PLAGL1: variants seen among roughly 807,000 people sequenced by gnomAD.
PLAGL1 encodes the protein zinc finger protein PLAGL1.
A neutral mutation model predicts 4.6 loss-of-function variants in PLAGL1; 1 was observed. The ratio of observed to expected loss-of-function variants is 0.22; its 90% CI spans 0.08 to 1.03. PLAGL1 has a LOEUF of 1.03. PLAGL1 is among the 50% of genes least tolerant of loss of function. The pLI is 0.58. For missense variants in PLAGL1, 464 were observed against 570.4 expected (o/e 0.81, Z 1.90); for synonymous variants, 240 against 237.8 (o/e 1.01, Z -0.08).
upstream of PLAGL1, among the ~76,000 whole-genome samples, chr6:144,008,568 G>A (rs922715024): frequency 3.3e-5 from 5 of 152,156 alleles, no homozygotes; most frequent in Non-Finnish European, 7.4e-5. This position sits in a 1 kb window ranked among gnomAD's most constrained non-coding sequence, Gnocchi z 6.9. Context: ...TGGGGGCAAA[G>A]CCAAGGTCGC....
At position 143,997,381 on chromosome 6, in the gene PLAGL1, A is replaced by C. The variant is rs1325854824; in HGVS notation, c.-584+10709T>G. On this transcript the variant is annotated intron_variant, in intron 1 of 7. Coordinates refer to ENST00000674357, the MANE Select transcript of PLAGL1 (RefSeq NM_001317162.2). This position sits in a 1 kb window ranked among gnomAD's most constrained non-coding sequence, Gnocchi z 4.6. ...TAAGAACCCAAACTAGAACACACCCACATAGCTATTTACAAAATGGATAAA... is the reference window on the plus strand; with the variant it reads ...TAAGAACCCAAACTAGAACACACCCCCATAGCTATTTACAAAATGGATAAA... 6.6e-6 allele frequency among the ~76,000 whole-genome samples: 1 copy of C among 152,202 alleles called. No homozygotes were observed. The highest frequency in any genetic ancestry group is 1.5e-5 in the Non-Finnish European group (1 of 68,030).
At chr6:144,054,790 T>A (rs1388624543) in intron 1 of PLAGL1, among the ~76,000 whole-genome samples, 87 of 150,108 alleles carry the variant, frequency 5.8e-4, no homozygotes, top group Middle Eastern at 3.4e-3. Context: ...TGTGTGTGTG[T>A]GTGTGTGTGT....
rs923791028 is a variant in PLAGL1, at chr6:144,053,683, G to A, written c.-151+10785C>T. On this transcript the variant is annotated intron_variant, in intron 1 of 3. Transcript: ENST00000437412. This position sits in a 1 kb window ranked among gnomAD's most constrained non-coding sequence, Gnocchi z 4.0. ...CTTACCACCTAAAAGTTTAGGCTTCGGGGATGGCAAATACATGGAAAATGA... is the reference window on the plus strand; with the variant it reads ...CTTACCACCTAAAAGTTTAGGCTTCAGGGATGGCAAATACATGGAAAATGA... Among the ~76,000 whole-genome samples the A allele has an allele frequency of 1.3e-5, 2 of 152,128 alleles. No individual in the cohort carries two copies. Among genetic ancestry groups the A allele is most frequent in the African/African-American group, 2.4e-5 (1 of 41,414 alleles).
In PLAGL1 at chr6:143,942,067, T is replaced by C; in HGVS notation, c.749A>G (p.Asn250Ser). The C allele has an allele frequency of 6.2e-7, 1 of 1,613,078 alleles. No homozygotes were observed. The highest frequency in any genetic ancestry group is 8.5e-7 in the Non-Finnish European group (1 of 1,179,516). ...AGCTGGCAAGCTACTTGCAAGCCCG[T>C]TCTGGGCAGAAGCTCCTAAAGGGAA... ...PPFPLGASAQNGLASSLPAEV... is the reference protein window; with the variant it reads ...PPFPLGASAQSGLASSLPAEV... Residue 250 changes from asparagine (N) to serine (S), a missense_variant, in exon 8 of 8, where the codon AAC becomes AGC. Asn to Ser is a conservative substitution (Grantham distance 46, BLOSUM62 1). Around this residue, in one of 4 missense-constraint regions of PLAGL1, gnomAD observed 248 missense variants for 250.1 expected, o/e 0.99. Coordinates refer to ENST00000674357, the MANE Select transcript of PLAGL1 (RefSeq NM_001317162.2). This position sits in a 1 kb window ranked among gnomAD's most constrained non-coding sequence, Gnocchi z 7.6.
Position 143,959,167 on chromosome 6 carries a change from C to T in PLAGL1, c.-325+1302G>A, listed in dbSNP as rs1782815335. Among the ~76,000 whole-genome samples the T allele has an allele frequency of 6.6e-6, 1 of 152,204 alleles. No individual in the cohort carries two copies. Among genetic ancestry groups the T allele is most frequent in the South Asian group, 2.1e-4 (1 of 4,832 alleles). ...CCGCTGCCTGCTCGCAGCTCCTCCC[C>T]AGCAGCTGAGAGCAATGTCTCAAGT... On this transcript the variant is annotated intron_variant, in intron 6 of 7. Transcript: ENST00000674357. This position sits in a 1 kb window ranked among gnomAD's most constrained non-coding sequence, Gnocchi z 5.3.
chr6:143,995,229 C>T lies in PLAGL1; in HGVS notation c.-583-10055G>A, dbSNP rs564840854. ...AAAATATTCACAATAAAGCAAGGTC[C>T]CTTTCAATTTATCCTTAAAGTTAAT... On this transcript the variant is annotated intron_variant, in intron 1 of 7. Coordinates refer to ENST00000674357, the MANE Select transcript of PLAGL1 (RefSeq NM_001317162.2). This position sits in a 1 kb window ranked among gnomAD's most constrained non-coding sequence, Gnocchi z 4.4. Among the ~76,000 whole-genome samples, 8 of 152,242 alleles carry T rather than the reference C, an allele frequency of 5.3e-5. No homozygotes were observed. The highest frequency in any genetic ancestry group is 4.1e-4 in the South Asian group (2 of 4,826).
At chr6:143,977,146 G>T (rs1168062516) in intron 2 of PLAGL1, among the ~76,000 whole-genome samples, 1 of 137,548 alleles carries the variant, frequency 7.3e-6, no homozygotes, top group East Asian at 2.2e-4. Flanking sequence ...TGGTACATTT[G>T]TTACAACTGA....
chr6:143,943,839 G>A (rs1779174866), intron 7 of PLAGL1, among the ~76,000 whole-genome samples: 1 of 152,172 alleles, frequency 6.6e-6, no homozygotes, highest in South Asian at 2.1e-4. Flanking sequence ...GTTATGGAAA[G>A]CCATCACAAT....
chr6:143,997,080 T>C lies in PLAGL1; in HGVS notation c.-584+11010A>G, dbSNP rs1791782898. Among the ~76,000 whole-genome samples, 1 of 152,042 alleles carries C rather than the reference T, an allele frequency of 6.6e-6. No individual in the cohort carries two copies. The highest frequency in any genetic ancestry group is 2.1e-4 in the South Asian group (1 of 4,830). On this transcript the variant is annotated intron_variant, in intron 1 of 7. Coordinates refer to ENST00000674357, the MANE Select transcript of PLAGL1 (RefSeq NM_001317162.2). The surrounding 1 kb of genome is among the most constrained non-coding windows in gnomAD (Gnocchi z 4.6). ...AAAAGTCATGAAATCATCAAGGAAA[T>C]GCACATGAAAACCATGAGACCATGA...
In PLAGL1 at chr6:143,975,618, G is replaced by C. The variant is rs1786348430; in HGVS notation, c.-543-6640C>G. Among the ~76,000 whole-genome samples, 1 of 152,146 alleles carries C rather than the reference G, an allele frequency of 6.6e-6. No individual in the cohort carries two copies. Among genetic ancestry groups the C allele is most frequent in the Admixed American group, 6.5e-5 (1 of 15,280 alleles). On this transcript the variant is annotated intron_variant, in intron 2 of 7. Transcript: ENST00000674357. The surrounding 1 kb of genome is among the most constrained non-coding windows in gnomAD (Gnocchi z 5.8). ...AAATTTAACATTCAGTCTCTAGATT[G>C]CATGATTCCTTGCATTAAAAGTTTA... is the stretch of plus-strand genomic sequence containing the variant.
At position 144,056,052 on chromosome 6, in the gene PLAGL1, C is replaced by T. The variant is rs143961274; in HGVS notation, c.-151+8416G>A. Among the ~76,000 whole-genome samples the T allele has an allele frequency of 6.8e-4, 103 of 152,200 alleles. No homozygotes were observed. Among genetic ancestry groups the T allele is most frequent in the Admixed American group, 1.8e-3 (27 of 15,278 alleles). ...AAGTTCAACATGGTAAAAGATGACTCACTTTTCTTTCCCCTCATCCCTTTC... is the reference window on the plus strand; with the variant it reads ...AAGTTCAACATGGTAAAAGATGACTTACTTTTCTTTCCCCTCATCCCTTTC... On this transcript the variant is annotated intron_variant, in intron 1 of 3. Transcript: ENST00000437412. This position sits in a 1 kb window ranked among gnomAD's most constrained non-coding sequence, Gnocchi z 4.7.
At position 144,053,230 on chromosome 6, in the gene PLAGL1, G is replaced by A. The variant is rs369608919; in HGVS notation, c.-151+11238C>T. On this transcript the variant is annotated intron_variant, in intron 1 of 3. Transcript: ENST00000437412. The surrounding 1 kb of genome is among the most constrained non-coding windows in gnomAD (Gnocchi z 4.0). ...GCTTACTGCAACCTCTGCCTCCCGGGTTCAAGCAATTCTCCTGCCTCAGTC... is the reference window on the plus strand; with the variant it reads ...GCTTACTGCAACCTCTGCCTCCCGGATTCAAGCAATTCTCCTGCCTCAGTC... 4.6e-5 allele frequency among the ~76,000 whole-genome samples: 7 copies of A among 152,228 alleles called. No homozygotes were observed. Among genetic ancestry groups the A allele is most frequent in the African/African-American group, 7.2e-5 (3 of 41,536 alleles).
chr6:143,982,922 C>T lies in PLAGL1; in HGVS notation c.-544+2213G>A, dbSNP rs1389261740. 6.6e-6 allele frequency among the ~76,000 whole-genome samples: 1 copy of T among 152,128 alleles called. No homozygotes were observed. Among genetic ancestry groups the T allele is most frequent in the Non-Finnish European group, 1.5e-5 (1 of 68,022 alleles). ...ACATCCAGCAATTGGATATTTTAAT[C>T]TGGAGTTTAGAGAAGAGGTCCATAC... On this transcript the variant is annotated intron_variant, in intron 2 of 7. Transcript: ENST00000674357. This position sits in a 1 kb window ranked among gnomAD's most constrained non-coding sequence, Gnocchi z 5.3.
chr6:143,989,194 A>G lies in PLAGL1; in HGVS notation c.-583-4020T>C, dbSNP rs1789864869. ...GCCCCAGGGGACATTAAAAACGCAC[A>G]GAAACAATAGAGTGGAAAGGCTACT... is the stretch of plus-strand genomic sequence containing the variant. On this transcript the variant is annotated intron_variant, in intron 1 of 7. Transcript: ENST00000674357. The surrounding 1 kb of genome is among the most constrained non-coding windows in gnomAD (Gnocchi z 4.8). Among the ~76,000 whole-genome samples, 2 of 152,336 alleles carry G rather than the reference A, an allele frequency of 1.3e-5. No individual in the cohort carries two copies. The highest frequency in any genetic ancestry group is 4.1e-4 in the South Asian group (2 of 4,830).
chr6:143,960,424 G>A lies in PLAGL1; in HGVS notation c.-325+45C>T, dbSNP rs1411721677. 2.0e-5 allele frequency: 3 copies of A among 152,202 alleles called. No individual in the cohort carries two copies. Among genetic ancestry groups the A allele is most frequent in the East Asian group, 1.9e-4 (1 of 5,202 alleles). 9.4% of individuals were successfully genotyped at this position (152,202 alleles called of 1,614,324 possible). A position where few individuals can be genotyped will look rare whatever the true frequency, so the allele number is the denominator to read the frequency against. Reference sequence around the variant, plus strand: ...GCCTATGATGTGTTTCCAAGCAATCGTTAATAAACATGCCCAACTAGAAAT... The same window carrying A: ...GCCTATGATGTGTTTCCAAGCAATCATTAATAAACATGCCCAACTAGAAAT... On this transcript the variant is annotated intron_variant, in intron 6 of 7. Coordinates refer to ENST00000674357, the MANE Select transcript of PLAGL1 (RefSeq NM_001317162.2). The surrounding 1 kb of genome is among the most constrained non-coding windows in gnomAD (Gnocchi z 5.7).
At chr6:144,008,268 A>C (rs1272754997), upstream of PLAGL1, 3 of 151,914 alleles carry the variant, frequency 2.0e-5, no homozygotes, top group Non-Finnish European at 4.4e-5. This position sits in a 1 kb window ranked among gnomAD's most constrained non-coding sequence, Gnocchi z 6.9. Context: ...AGGCCAGAGC[A>C]CGCCCCAGCC....
In PLAGL1 at chr6:143,942,031, C is replaced by A; in HGVS notation, c.785G>T (p.Ser262Ile). Residue 262 changes from serine (S) to isoleucine (I), a missense_variant, in exon 8 of 8, where the codon AGC (serine) becomes ATC (isoleucine). Coordinates refer to ENST00000674357, the MANE Select transcript of PLAGL1 (RefSeq NM_001317162.2). This position sits in a 1 kb window ranked among gnomAD's most constrained non-coding sequence, Gnocchi z 7.6. ...LASSLPAEVH[S>I]LTLSPPEQAA... ...TTGTTCTGGGGGACTGAGGGTGAGG[C>A]TATGGACCTCAGCTGGCAAGCTACT... The A allele has an allele frequency of 6.2e-7, 1 of 1,603,144 alleles. No individual in the cohort carries two copies. Among genetic ancestry groups the A allele is most frequent in the South Asian group, 1.1e-5 (1 of 88,802 alleles).
intron 1 of PLAGL1, among the ~76,000 whole-genome samples, chr6:144,032,023 C>A (rs1421227074): frequency 1.3e-5 from 2 of 152,018 alleles, no homozygotes. Flanking sequence ...TCTATGATTT[C>A]TTTCATAGTC....
intron 1 of PLAGL1, among the ~76,000 whole-genome samples, chr6:144,029,099 C>T (rs1796597389): frequency 6.6e-6 from 1 of 152,100 alleles, no homozygotes; most frequent in African/African-American, 2.4e-5. Flanking sequence ...GCATAATAAT[C>T]TATTATGTAG....
Sources: gnomAD v4.1 joint callset for allele counts (sites outside exome capture counted in the v4.1 genomes callset) on GRCh38, gnomAD v4.1.1 for gene constraint, gnomAD v4.1.1 regional missense constraint, Gnocchi (gnomAD v3.1) non-coding constraint, MANE v1.5 for transcripts, NCBI Gene and HGNC (gene_info 2026-07-23, HGNC 2026-07-21) for gene names.